Variants in MOV10L1 observed in about 807,000 individuals in gnomAD.
The protein encoded by MOV10L1 is Mov10 like RNA helicase 1.
A neutral mutation model predicts 143.8 loss-of-function variants in MOV10L1; 110 were observed. The observed-to-expected ratio is 0.76, with a 90% CI of 0.66 to 0.90. The LOEUF (loss-of-function observed/expected upper bound fraction) is 0.90, where lower values mean the gene tolerates loss of function less well. Among genes scored for constraint, MOV10L1 ranks in the 40% least tolerant of loss-of-function variants. The probability of loss-of-function intolerance (pLI) is 0.00; values close to 1 mark genes in which losing one functional copy is unlikely to be tolerated. For missense variants in MOV10L1, 1,406 were observed against 1,526.8 expected (o/e 0.92, Z 1.32); for synonymous variants, 593 against 581.1 (o/e 1.02, Z -0.29).
chr22:50,106,725 G>A (rs1178904220), intron 3 of MOV10L1, among the ~76,000 whole-genome samples: 6 of 136,482 alleles, frequency 4.4e-5, no homozygotes, highest in African/African-American at 1.1e-4. Context: ...TTTTTGAGAC[G>A]GAATCTCGCT....
intron 11 of MOV10L1, 25 bp downstream of exon 11, chr22:50,125,594 C>T: frequency 1.2e-6 from 2 of 1,604,812 alleles, no homozygotes; most frequent in Non-Finnish European, 1.7e-6. Context: ...CATATGCTTC[C>T]CTGGGTGGAC....
intron 10 of MOV10L1, among the ~76,000 whole-genome samples, chr22:50,121,350 T>C (rs2062337216): frequency 6.6e-6 from 1 of 152,204 alleles, no homozygotes; most frequent in Non-Finnish European, 1.5e-5. Flanking sequence ...GGACAGCTGA[T>C]GCCCCATGAC....
chr22:50,160,559 T>C (rs2063532094), intron 24 of MOV10L1, 129 bp from the exon 25 acceptor site: 1 of 1,264,656 alleles, frequency 7.9e-7, no homozygotes, highest in Non-Finnish European at 1.1e-6. Flanking sequence ...GCCTCCTGTT[T>C]CTTTTTGAAC....
chr22:50,145,869 T>A, intron 19 of MOV10L1, 59 bp downstream of exon 19: 1 of 1,601,906 alleles, frequency 6.2e-7, no homozygotes, highest in Middle Eastern at 2.1e-4. Context: ...CGGAGTCCTC[T>A]CCTAGCTTCT....
intron 19 of MOV10L1, among the ~76,000 whole-genome samples, chr22:50,147,726 A>G (rs1249208728): frequency 6.6e-6 from 1 of 152,262 alleles, no homozygotes; most frequent in East Asian, 1.9e-4. Context: ...GACATTAAAT[A>G]ACTGCAATTA....
Position 50,159,624 on chromosome 22 carries a change from A to T in MOV10L1, c.3217-54A>T. ...CTCAAAAAAAAAAAAGGAAAAGAAA[A>T]GAAATGGATTTGTACAGTGTTATCT... On this transcript the variant is annotated intron_variant, in intron 23 of 26. Coordinates refer to ENST00000262794, the MANE Select transcript of MOV10L1 (RefSeq NM_018995.3). This position sits in a 1 kb window ranked among gnomAD's most constrained non-coding sequence, Gnocchi z 4.1. 1 of 1,236,034 alleles carries T rather than the reference A, an allele frequency of 8.1e-7. No homozygotes were observed. Among genetic ancestry groups the T allele is most frequent in the Non-Finnish European group, 1.1e-6 (1 of 869,978 alleles). 76.6% of individuals were successfully genotyped at this position (1,236,034 alleles called of 1,614,324 possible).
In MOV10L1 at chr22:50,150,810, G is replaced by A. The variant is rs377555337; in HGVS notation, c.2803G>A (p.Val935Met). ...SRLAMAYGLN[V>M]SFLERLMSRP... is the part of the protein sequence containing the mutation. ...ACTCGCCATGGCCTATGGGCTGAAC[G>A]TGTCCTTTTTGGAACGGCTGATGTC... The change falls in exon 21 of 27, where the codon GTG becomes ATG. Residue 935 changes from valine (V) to methionine (M), a missense_variant. This residue lies in a region of MOV10L1 where 1,233 missense variants were observed against 1,351.4 expected (regional missense o/e 0.91). Coordinates refer to ENST00000262794, the MANE Select transcript of MOV10L1 (RefSeq NM_018995.3). 1.1e-5 allele frequency: 17 copies of A among 1,614,102 alleles called. No homozygotes were observed. The highest frequency in any genetic ancestry group is 1.0e-4 in the Admixed American group (6 of 60,012).
At chr22:50,142,983 T>C in intron 16 of MOV10L1, 60 bp from the exon 17 acceptor site, 1 of 1,528,052 alleles carries the variant, frequency 6.5e-7, no homozygotes. Context: ...GGTGAGGACG[T>C]GTCCACAGCT....
Position 50,144,255 on chromosome 22 carries a change from G to T in MOV10L1, c.2505+12G>T. The T allele has an allele frequency of 6.3e-7, 1 of 1,588,962 alleles. No individual in the cohort carries two copies. The highest frequency in any genetic ancestry group is 8.6e-7 in the Non-Finnish European group (1 of 1,162,514). On this transcript the variant is annotated intron_variant, in intron 18 of 26. Transcript: ENST00000262794. ...GCAGGTTCGAGGAGGTGAGCCCTTGGTGCAAGCAGTGGGGGGCACCAGAAC... is the reference window on the plus strand; with the variant it reads ...GCAGGTTCGAGGAGGTGAGCCCTTGTTGCAAGCAGTGGGGGGCACCAGAAC...
At chr22:50,130,959 C>T (rs1160795166) in intron 13 of MOV10L1, among the ~76,000 whole-genome samples, 2 of 152,098 alleles carry the variant, frequency 1.3e-5, no homozygotes, top group African/African-American at 2.4e-5. Context: ...TGCAGTGGCA[C>T]GATCTCGGCT....
intron 13 of MOV10L1, among the ~76,000 whole-genome samples, chr22:50,129,062 G>A (rs983755869): frequency 1.3e-5 from 2 of 152,164 alleles, no homozygotes; most frequent in Admixed American, 6.5e-5. Flanking sequence ...GCCTGTGGTT[G>A]ACGTGTATAG....
intron 13 of MOV10L1, among the ~76,000 whole-genome samples, chr22:50,131,188 G>A (rs1299442454): frequency 6.6e-6 from 1 of 151,842 alleles, no homozygotes; most frequent in Non-Finnish European, 1.5e-5. Context: ...GATTACAGGT[G>A]TGGGCCACCA....
At position 50,126,196 on chromosome 22, in the gene MOV10L1, A is replaced by T. The variant is rs1602242244; in HGVS notation, c.1748-6A>T. 1 of 1,567,810 alleles carries T rather than the reference A, an allele frequency of 6.4e-7. No homozygotes were observed. Among genetic ancestry groups the T allele is most frequent in the Non-Finnish European group, 8.8e-7 (1 of 1,141,554 alleles). The stretch of plus-strand genomic sequence containing the variant: ...CTTTAAACATGGTAATATATTTTTT[A>T]ACTAGGTGATAAACTGATTTTAAAA... On this transcript the variant is annotated splice_region_variant and splice_polypyrimidine_tract_variant and intron_variant, in intron 11 of 26. Transcript: ENST00000262794.
chr22:50,097,328 C>T (rs914201603), intron 2 of MOV10L1, among the ~76,000 whole-genome samples: 2 of 152,162 alleles, frequency 1.3e-5, no homozygotes, highest in Admixed American at 1.3e-4. Context: ...AGGCTGGTCT[C>T]GAACTCCTGG....
rs113621693 is a variant in MOV10L1 at position 50,160,586 on chromosome 22, C to T, written c.3325-102C>T. 2.1e-5 allele frequency: 30 copies of T among 1,415,748 alleles called. 1 individual carries two copies. The African/African-American group carries it at 2.3e-4, about 11-fold the overall frequency. The allele number at this position is 1,415,748 out of a possible 1,614,324, so 87.7% of individuals were successfully genotyped here. The stretch of plus-strand genomic sequence containing the variant: ...TTTTTGAACCAAAAATGAGGTCATT[C>T]TGCTATTTAACATTTTTAAATGTTT... On this transcript the variant is annotated intron_variant, in intron 24 of 26. Coordinates refer to ENST00000262794, the MANE Select transcript of MOV10L1 (RefSeq NM_018995.3).
Position 50,108,722 on chromosome 22 carries a change from C to T in MOV10L1, c.621C>T (p.Asp207=), listed in dbSNP as rs776388023. Residue 207 remains aspartate (D), a synonymous_variant, in exon 5 of 27, where the codon GAC becomes GAT. Transcript: ENST00000262794. ...VLEESIFFTL[D]SLKLPDGYTP... is the part of the protein sequence containing the mutation. ...AGGAAAGCATCTTCTTTACCTTGGA[C>T]TCCTTGAAACTGCCAGATGGGTACA... The T allele has an allele frequency of 2.5e-6, 4 of 1,614,224 alleles. No homozygotes were observed. The highest frequency in any genetic ancestry group is 3.4e-6 in the Non-Finnish European group (4 of 1,180,048).
chr22:50,128,330 A>G (rs2062571330), intron 12 of MOV10L1, 86 bp from the exon 13 acceptor site: 4 of 771,404 alleles, frequency 5.2e-6, no homozygotes, highest in Admixed American at 2.4e-5. Flanking sequence ...GCTCAGAGCT[A>G]TAGAATGAAT....
intron 1 of MOV10L1, 124 bp from the exon 2 acceptor site, chr22:50,091,877 C>G: frequency 1.2e-6 from 1 of 849,052 alleles, no homozygotes; most frequent in Non-Finnish European, 1.8e-6. Context: ...TCAGCCCGTT[C>G]GGAGTCAGTG....
At chr22:50,123,196 CAAA>C (rs71198219) in intron 10 of MOV10L1, among the ~76,000 whole-genome samples, 294 of 101,416 alleles carry the variant, frequency 2.9e-3, no homozygotes, top group East Asian at 0.018. Flanking sequence ...ACTCATGTCT[CAAA>C]AAAAAAAAAA....
Sources: gnomAD v4.1 joint callset for allele counts (sites outside exome capture counted in the v4.1 genomes callset) on GRCh38, gnomAD v4.1.1 for gene constraint, gnomAD v4.1.1 regional missense constraint, Gnocchi (gnomAD v3.1) non-coding constraint, MANE v1.5 for transcripts, NCBI Gene and HGNC (gene_info 2026-07-23, HGNC 2026-07-21) for gene names.